WAC: variants seen among roughly 807,000 people sequenced by gnomAD.
WAC encodes the protein WW domain-containing adapter protein with coiled-coil.
Under a neutral mutation model 79.6 loss-of-function variants are expected in WAC, and 11 were observed. The ratio of observed to expected loss-of-function variants is 0.14; its 90% CI spans 0.09 to 0.23. The LOEUF is 0.23. WAC is among the 10% of genes least tolerant of loss of function. WAC has a pLI of 1.00. For missense variants in WAC, 728 were observed against 773.5 expected (o/e 0.94, Z 0.70); for synonymous variants, 304 against 276.9 (o/e 1.10, Z -0.97).
intron 3 of WAC, among the ~76,000 whole-genome samples, chr10:28,541,895 A>G (rs1162055850): frequency 2.6e-5 from 4 of 152,010 alleles, no homozygotes; most frequent in Non-Finnish European, 5.9e-5. Flanking sequence ...TTTGCTTTGT[A>G]TGATTGTTTC....
intron 6 of WAC, chr10:28,591,270 G>T (rs1177175308): frequency 1.2e-5 from 2 of 162,484 alleles, no homozygotes; most frequent in African/African-American, 4.8e-5. Flanking sequence ...TATGTTACCA[G>T]TGAGTAACTT....
intron 4 of WAC, among the ~76,000 whole-genome samples, chr10:28,588,416 A>G (rs57224415): frequency 0.049 from 7,487 of 152,246 alleles, 388 homozygotes; most frequent in East Asian, 0.23. Flanking sequence ...TCTTTTTCCA[A>G]CTGCCTTCAG....
At chr10:28,590,260 C>T (rs1840016584) in intron 5 of WAC, among the ~76,000 whole-genome samples, 1 of 143,436 alleles carries the variant, frequency 7.0e-6, no homozygotes, top group Admixed American at 7.4e-5. Context: ...TGCAGTGAGC[C>T]ATCATGGTGC....
intron 3 of WAC, among the ~76,000 whole-genome samples, chr10:28,549,946 C>T (rs959310224): frequency 1.3e-5 from 2 of 152,028 alleles, no homozygotes; most frequent in African/African-American, 4.8e-5. Flanking sequence ...GGATGGATCA[C>T]GAGGTCAGAA....
intron 3 of WAC, among the ~76,000 whole-genome samples, chr10:28,568,362 A>G (rs895200502): frequency 6.6e-6 from 1 of 152,120 alleles, no homozygotes; most frequent in Admixed American, 6.6e-5. Flanking sequence ...TTATTTCAAT[A>G]TTAGATACTA....
At chr10:28,550,265 A>G (rs1315000545) in intron 3 of WAC, among the ~76,000 whole-genome samples, 1 of 150,892 alleles carries the variant, frequency 6.6e-6, no homozygotes, top group East Asian at 1.9e-4. Flanking sequence ...CTAGTCATGT[A>G]AAAGCACTTA....
chr10:28,567,808 G>A lies in WAC; in HGVS notation c.275-15591G>A, dbSNP rs536866865. 1.9e-3 allele frequency among the ~76,000 whole-genome samples: 290 copies of A among 152,182 alleles called. 2 individuals are homozygous for A. The highest frequency in any genetic ancestry group is 6.7e-3 in the African/African-American group (279 of 41,508). On this transcript the variant is annotated intron_variant, in intron 3 of 13. Transcript: ENST00000354911. ...CCCACTTTATAGCCCAAGCTGGAGT[G>A]CAGTGGCACTATCATGGCTCACTGC...
chr10:28,578,811 C>A (rs567768165), intron 3 of WAC, among the ~76,000 whole-genome samples: 1 of 152,194 alleles, frequency 6.6e-6, no homozygotes, highest in East Asian at 1.9e-4. Context: ...GTCAAAAATA[C>A]TGAAGATTTT....
intron 7 of WAC, among the ~76,000 whole-genome samples, chr10:28,596,644 G>A (rs1840384592): frequency 6.6e-6 from 1 of 152,194 alleles, no homozygotes; most frequent in South Asian, 2.1e-4. Flanking sequence ...TACTTGGAAG[G>A]TGTGACACAA....
intron 3 of WAC, among the ~76,000 whole-genome samples, chr10:28,578,921 CTAAGCACTGGA>C (rs1325345192): frequency 6.6e-6 from 1 of 152,112 alleles, no homozygotes; most frequent in Non-Finnish European, 1.5e-5. Context: ...TTTGCCCTGG[CTAAGCACTGGA>C]AGGGAGAATT....
intron 3 of WAC, among the ~76,000 whole-genome samples, chr10:28,541,905 C>T (rs992820722): frequency 6.6e-6 from 1 of 152,096 alleles, no homozygotes; most frequent in African/African-American, 2.4e-5. Context: ...ATGATTGTTT[C>T]CCCACACAGT....
intron 3 of WAC, among the ~76,000 whole-genome samples, chr10:28,539,173 A>G (rs993578260): frequency 1.6e-4 from 24 of 152,308 alleles, no homozygotes; most frequent in African/African-American, 5.3e-4. Context: ...CTGGCATCAC[A>G]GCATTTTTCA....
intron 3 of WAC, among the ~76,000 whole-genome samples, chr10:28,549,969 C>T (rs1177000550): frequency 6.6e-6 from 1 of 152,004 alleles, no homozygotes; most frequent in Non-Finnish European, 1.5e-5. Context: ...TCAAGACCAG[C>T]CAGGCCAAAC....
At chr10:28,587,822 A>G (rs1056289999) in intron 4 of WAC, among the ~76,000 whole-genome samples, 3 of 152,144 alleles carry the variant, frequency 2.0e-5, no homozygotes, top group Non-Finnish European at 4.4e-5. Context: ...GATAGGCAAA[A>G]TCAATGTAGT....
At chr10:28,606,203 A>G (rs1840941126) in intron 7 of WAC, among the ~76,000 whole-genome samples, 2 of 152,152 alleles carry the variant, frequency 1.3e-5, no homozygotes. Context: ...GGCGCAAGCC[A>G]CCACAGCTGG....
At chr10:28,571,253 C>CT (rs1189085926) in intron 3 of WAC, among the ~76,000 whole-genome samples, 1 of 151,992 alleles carries the variant, frequency 6.6e-6, no homozygotes, top group Non-Finnish European at 1.5e-5. Context: ...TTTTCATGTG[C>CT]TTTTTTGTGA....
intron 4 of WAC, 134 bp downstream of exon 4, chr10:28,583,639 G>A (rs1839656467): frequency 3.5e-6 from 2 of 569,326 alleles, no homozygotes; most frequent in Non-Finnish European, 5.8e-6. Flanking sequence ...CAGTCTTAAT[G>A]TGTTTATTTG....
intron 3 of WAC, among the ~76,000 whole-genome samples, chr10:28,549,192 T>G (rs759600629): frequency 5.9e-5 from 9 of 152,158 alleles, no homozygotes; most frequent in Non-Finnish European, 1.2e-4. Context: ...AGCCACCACA[T>G]CCAGACAAGT....
intron 1 of WAC, 118 bp from the exon 2 acceptor site, chr10:28,533,880 C>A: frequency 7.6e-7 from 1 of 1,307,556 alleles, no homozygotes; most frequent in South Asian, 1.3e-5. Flanking sequence ...CGGGGCTCGG[C>A]GCTGGGGCGC....
Sources: allele counts gnomAD v4.1 joint callset (sites outside exome capture counted in the v4.1 genomes callset), GRCh38; gene constraint gnomAD v4.1.1; transcripts MANE v1.5; gene names NCBI Gene and HGNC (gene_info 2026-07-23, HGNC 2026-07-21).